Variants in IL6ST observed in about 807,000 individuals in gnomAD.
The protein encoded by IL6ST is interleukin 6 cytokine family signal transducer.
In IL6ST, 24 loss-of-function variants were observed where a neutral mutation model predicts 91.3. The observed-to-expected ratio is 0.26, with a 90% CI of 0.19 to 0.37. The LOEUF (loss-of-function observed/expected upper bound fraction) is 0.37. IL6ST is among the 10% of genes least tolerant of loss of function. The pLI, the probability that IL6ST is intolerant of heterozygous loss-of-function variation, is 1.00. For missense variants in IL6ST, 914 were observed against 1,078.5 expected, an observed-to-expected ratio of 0.85 and a Z score of 2.14; for synonymous variants, 351 against 373.6, an observed-to-expected ratio of 0.94 and a Z score of 0.70.
chr5:55,959,889 A>AT (rs1188220929), intron 8 of IL6ST, among the ~76,000 whole-genome samples: 5,411 of 145,286 alleles, frequency 0.037, 289 homozygotes, highest in African/African-American at 0.12. Flanking sequence ...TCCATGATGA[A>AT]TTTTTTTTTT....
At position 55,952,093 on chromosome 5, in the gene IL6ST, C is replaced by CATTT; in HGVS notation, c.1553-22_1553-19dup. 1 of 1,596,202 alleles carries CATTT rather than the reference C, an allele frequency of 6.3e-7. No individual in the cohort carries two copies. Among genetic ancestry groups the CATTT allele is most frequent in the Non-Finnish European group, 8.5e-7 (1 of 1,172,910 alleles). Reference sequence around the variant, plus strand: ...GGAAGGTGCTGTAACAGAGTGAACACATTTGCTAACTGAAAATCATTTACA... The same window carrying CATTT: ...GGAAGGTGCTGTAACAGAGTGAACACATTTATTTGCTAACTGAAAATCATTTACA... On this transcript the variant is annotated intron_variant, in intron 12 of 16. Transcript: ENST00000381298.
At chr5:55,963,150 G>A (rs1752422600) in intron 7 of IL6ST, among the ~76,000 whole-genome samples, 1 of 151,194 alleles carries the variant, frequency 6.6e-6, no homozygotes, top group African/African-American at 2.4e-5. Flanking sequence ...TTACTTAAAG[G>A]CTACTGTATT....
At chr5:55,966,025 T>G (rs1050756270) in intron 5 of IL6ST, among the ~76,000 whole-genome samples, 2 of 152,172 alleles carry the variant, frequency 1.3e-5, no homozygotes, top group African/African-American at 4.8e-5. Flanking sequence ...ATTAAACCTA[T>G]CTTGCTTCTC....
At chr5:55,983,998 C>T (rs1385219625) in intron 1 of IL6ST, among the ~76,000 whole-genome samples, 2 of 149,842 alleles carry the variant, frequency 1.3e-5, no homozygotes, top group Admixed American at 6.6e-5. Context: ...TTCTTATACC[C>T]CTTTACTGAT....
At chr5:55,955,066 CCAAAACAT>C (rs1751874789) in intron 10 of IL6ST, 74 bp from the exon 11 acceptor site, 1 of 1,030,778 alleles carries the variant, frequency 9.7e-7, no homozygotes, top group African/African-American at 1.7e-5. Context: ...ACAGTCATTT[CCAAAACAT>C]GTGATTTATC....
chr5:55,946,180 G>GAT (rs1561157566), intron 15 of IL6ST, among the ~76,000 whole-genome samples: 2 of 152,092 alleles, frequency 1.3e-5, no homozygotes, highest in African/African-American at 4.8e-5. Context: ...AAATTAAAAC[G>GAT]ATATAGTACT....
At chr5:55,979,078 C>T (rs1753489388) in intron 2 of IL6ST, among the ~76,000 whole-genome samples, 1 of 152,012 alleles carries the variant, frequency 6.6e-6, no homozygotes, top group African/African-American at 2.4e-5. Flanking sequence ...GGATGAATCT[C>T]ATATATAATA....
intron 3 of IL6ST, among the ~76,000 whole-genome samples, chr5:55,970,524 T>A (rs1752899977): frequency 6.6e-6 from 1 of 151,872 alleles, no homozygotes; most frequent in African/African-American, 2.4e-5. Flanking sequence ...CCATCTGTAC[T>A]AAAAACAAAA....
intron 7 of IL6ST, among the ~76,000 whole-genome samples, chr5:55,962,756 T>C (rs981658847): frequency 6.6e-6 from 1 of 152,138 alleles, no homozygotes; most frequent in African/African-American, 2.4e-5. Flanking sequence ...CCTTATAATC[T>C]CTTTATTTTT....
intron 10 of IL6ST, 60 bp downstream of exon 10, chr5:55,955,965 G>T: frequency 2.7e-6 from 3 of 1,099,730 alleles, no homozygotes; most frequent in Non-Finnish European, 4.2e-6. Context: ...TGGGAGCCCT[G>T]TCCATACCTA....
chr5:55,964,071 C>A, intron 6 of IL6ST, 75 bp downstream of exon 6: 1 of 701,444 alleles, frequency 1.4e-6, no homozygotes, highest in Non-Finnish European at 2.2e-6. Flanking sequence ...CTTAAAAAAT[C>A]TAAATATAAA....
chr5:55,977,526 A>G (rs931767690), intron 2 of IL6ST, among the ~76,000 whole-genome samples: 2 of 152,136 alleles, frequency 1.3e-5, no homozygotes, highest in African/African-American at 2.4e-5. Flanking sequence ...GGTGGTGACT[A>G]TAAGACTCTA....
intron 8 of IL6ST, among the ~76,000 whole-genome samples, chr5:55,958,859 T>A (rs1329000643): frequency 8.0e-4 from 110 of 137,728 alleles, no homozygotes; most frequent in African/African-American, 7.8e-4. Flanking sequence ...AAAAAAAAAA[T>A]TTAAGTACTG....
In IL6ST at chr5:55,976,211, T is replaced by G; in HGVS notation, c.64+4A>C. The G allele has an allele frequency of 6.5e-6, 10 of 1,542,336 alleles. No homozygotes were observed. The highest frequency in any genetic ancestry group is 7.1e-6 in the Non-Finnish European group (8 of 1,134,478). On this transcript the variant is annotated splice_donor_region_variant and intron_variant, in intron 3 of 16. Transcript: ENST00000381298. ...TAGAAGATAGGGTATTTCATGAACC[T>G]TACCTGTAGATTCAGTGGTGAGGAA... is the stretch of plus-strand genomic sequence containing the variant.
At chr5:55,942,582 TACTC>T (rs1265047057) in intron 16 of IL6ST, 84 bp downstream of exon 16, 9 of 633,942 alleles carry the variant, frequency 1.4e-5, no homozygotes, top group African/African-American at 3.7e-5. Flanking sequence ...CATTTGTAGA[TACTC>T]AATATACCTA....
intron 2 of IL6ST, among the ~76,000 whole-genome samples, chr5:55,978,082 C>G (rs752697326): frequency 6.6e-6 from 1 of 152,086 alleles, no homozygotes; most frequent in Non-Finnish European, 1.5e-5. Context: ...ACCTTACTTT[C>G]AAGCTAACAA....
intron 1 of IL6ST, among the ~76,000 whole-genome samples, chr5:55,991,743 T>TAAAAAAAAA (rs74490662): frequency 7.2e-6 from 1 of 139,766 alleles, no homozygotes; most frequent in African/African-American, 2.6e-5. Context: ...TTCTCTATTC[T>TAAAAAAAAA]AAAAAAAAAA....
intron 1 of IL6ST, among the ~76,000 whole-genome samples, chr5:55,983,052 T>G (rs1047945434): frequency 6.6e-6 from 1 of 151,548 alleles, no homozygotes. Flanking sequence ...CAGGCTGCAG[T>G]GCAGTAGCAC....
At position 55,941,458 on chromosome 5, in the gene IL6ST, T is replaced by C. The variant is rs770963765; in HGVS notation, c.2381A>G (p.Glu794Gly). 2 of 1,614,004 alleles carry C rather than the reference T, an allele frequency of 1.2e-6. No homozygotes were observed. The change falls in exon 17 of 17, where the codon GAA (glutamate) becomes GGA (glycine). Residue 794 changes from glutamate to glycine, a missense_variant. Physicochemically the swap from Glu to Gly is moderately conservative, Grantham distance 98 (BLOSUM62 -2). Transcript: ENST00000381298. ...TACATGATCTACTAATTGTAGATCT[T>C]CTGGCCGCTCCTCTGAATCTAACAA... Reference protein sequence around the residue: ...QPLLDSEERPEDLQLVDHVDG... With the variant: ...QPLLDSEERPGDLQLVDHVDG...
Sources: gnomAD v4.1 joint callset for allele counts (sites outside exome capture counted in the v4.1 genomes callset) on GRCh38, gnomAD v4.1.1 for gene constraint, MANE v1.5 for transcripts, NCBI Gene and HGNC (gene_info 2026-07-23, HGNC 2026-07-21) for gene names.